DLGAP1: variants seen among roughly 807,000 people sequenced by gnomAD.
DLGAP1 encodes the protein disks large-associated protein 1.
DLGAP1 carries 11 observed loss-of-function variants against 90.8 expected under a neutral mutation model. That is an observed-to-expected ratio of 0.12 (90% CI 0.08 to 0.20). DLGAP1 has a LOEUF of 0.20. Among genes scored for constraint, DLGAP1 ranks in the 10% least tolerant of loss-of-function variants. The pLI, the probability that DLGAP1 is intolerant of heterozygous loss-of-function variation, is 1.00. For missense variants in DLGAP1, 1,050 were observed against 1,333.8 expected (o/e 0.79, Z 3.31); for synonymous variants, 558 against 540.7 (o/e 1.03, Z -0.44).
At chr18:3,628,577 C>T (rs560178075) in intron 7 of DLGAP1, among the ~76,000 whole-genome samples, 1 of 152,140 alleles carries the variant, frequency 6.6e-6, no homozygotes, top group Non-Finnish European at 1.5e-5. Flanking sequence ...GTTCACATTC[C>T]CCGTGCATCT....
intron 3 of DLGAP1, among the ~76,000 whole-genome samples, chr18:3,967,503 A>T (rs1018565280): frequency 6.6e-6 from 1 of 152,234 alleles, no homozygotes; most frequent in South Asian, 2.1e-4. Flanking sequence ...TCTGGGGTTG[A>T]GGCCCAGGAA....
intron 1 of DLGAP1, among the ~76,000 whole-genome samples, chr18:4,285,559 T>C (rs2079666873): frequency 1.3e-5 from 2 of 152,194 alleles, no homozygotes; most frequent in South Asian, 2.1e-4. Flanking sequence ...AGAAGTTTAA[T>C]TGAGCAATGA....
At chr18:3,875,933 A>G (rs910813676) in intron 4 of DLGAP1, among the ~76,000 whole-genome samples, 3 of 152,022 alleles carry the variant, frequency 2.0e-5, no homozygotes, top group African/African-American at 7.3e-5. Context: ...AACTAGAAGA[A>G]TAGTGCTTTG....
At chr18:4,366,212 C>A (rs982321123) in intron 1 of DLGAP1, among the ~76,000 whole-genome samples, 11 of 151,946 alleles carry the variant, frequency 7.2e-5, no homozygotes, top group Non-Finnish European at 2.9e-5. Flanking sequence ...TCATCTGGGT[C>A]CTAAATACTG....
chr18:3,650,044 G>T (rs1639363), intron 7 of DLGAP1, among the ~76,000 whole-genome samples: 3 of 151,730 alleles, frequency 2.0e-5, no homozygotes, highest in Admixed American at 6.6e-5. Flanking sequence ...ACTGTTTTTT[G>T]TTTTTTTATT....
At chr18:4,341,346 C>T (rs1056500604) in intron 1 of DLGAP1, among the ~76,000 whole-genome samples, 1 of 152,010 alleles carries the variant, frequency 6.6e-6, no homozygotes, top group Admixed American at 6.6e-5. Flanking sequence ...GTCTCTGAAG[C>T]CTTCCTAACA....
At chr18:3,527,970 T>C (rs1397643584) in intron 10 of DLGAP1, among the ~76,000 whole-genome samples, 1 of 152,182 alleles carries the variant, frequency 6.6e-6, no homozygotes, top group Non-Finnish European at 1.5e-5. Flanking sequence ...TTCGGAGGCA[T>C]TATGTACATT....
chr18:3,801,780 C>T (rs538154626), intron 5 of DLGAP1, among the ~76,000 whole-genome samples: 4 of 151,996 alleles, frequency 2.6e-5, no homozygotes, highest in African/African-American at 9.6e-5. Context: ...GAGAAAAGCA[C>T]AAGAAATGCA....
chr18:4,352,244 T>C (rs898527733), intron 1 of DLGAP1, among the ~76,000 whole-genome samples: 2 of 152,202 alleles, frequency 1.3e-5, no homozygotes, highest in Non-Finnish European at 2.9e-5. Context: ...GTCTGCAGTA[T>C]GATAGGTCAA....
At chr18:3,602,526 C>T (rs1295545208) in intron 7 of DLGAP1, among the ~76,000 whole-genome samples, 9 of 132,390 alleles carry the variant, frequency 6.8e-5, no homozygotes, top group Non-Finnish European at 1.2e-4. Context: ...ACCCGGGAGG[C>T]GGAGCTTGCA....
chr18:3,508,809 A>G, intron 10 of DLGAP1, 148 bp from the exon 11 acceptor site: 2 of 586,038 alleles, frequency 3.4e-6, no homozygotes, highest in Non-Finnish European at 5.9e-6. Flanking sequence ...AGACAGCCCA[A>G]TCACTGTTGT....
intron 1 of DLGAP1, among the ~76,000 whole-genome samples, chr18:4,351,491 C>A (rs921025815): frequency 2.0e-5 from 3 of 152,128 alleles, no homozygotes; most frequent in African/African-American, 7.2e-5. Context: ...GACTCGAAAT[C>A]TAGCTAAGGG....
At chr18:3,591,174 A>T (rs1368468845) in intron 7 of DLGAP1, among the ~76,000 whole-genome samples, 1 of 152,084 alleles carries the variant, frequency 6.6e-6, no homozygotes, top group African/African-American at 2.4e-5. Context: ...AGGTAGTACA[A>T]GTGAGATTAA....
At chr18:3,617,685 G>C (rs1296954062) in intron 7 of DLGAP1, among the ~76,000 whole-genome samples, 5 of 151,622 alleles carry the variant, frequency 3.3e-5, no homozygotes, top group African/African-American at 1.2e-4. Context: ...CTTGCTCCAT[G>C]CATGGTTGCC....
chr18:3,920,258 G>A (rs1431855096), intron 3 of DLGAP1, among the ~76,000 whole-genome samples: 1 of 149,154 alleles, frequency 6.7e-6, no homozygotes, highest in Admixed American at 6.9e-5. Flanking sequence ...CACGAGAATC[G>A]CTTGAACCTG....
At chr18:3,853,102 T>C (rs2069435276) in intron 4 of DLGAP1, among the ~76,000 whole-genome samples, 1 of 152,130 alleles carries the variant, frequency 6.6e-6, no homozygotes, top group African/African-American at 2.4e-5. Context: ...TAAAAATTAA[T>C]AGGGTCTGGT....
At chr18:3,828,094 AATATTT>A (rs2067819853) in intron 4 of DLGAP1, among the ~76,000 whole-genome samples, 1 of 152,172 alleles carries the variant, frequency 6.6e-6, no homozygotes, top group Non-Finnish European at 1.5e-5. Flanking sequence ...CGTGTAGAAG[AATATTT>A]CTTAAAACCT....
chr18:3,532,629 G>C (rs1416164747), intron 10 of DLGAP1, among the ~76,000 whole-genome samples: 5 of 149,928 alleles, frequency 3.3e-5, no homozygotes, highest in African/African-American at 1.2e-4. Context: ...AATTGAAAAA[G>C]TAATTTAAAA....
At chr18:3,651,325 C>G (rs1319412368) in intron 7 of DLGAP1, among the ~76,000 whole-genome samples, 3 of 152,192 alleles carry the variant, frequency 2.0e-5, no homozygotes, top group Admixed American at 6.5e-5. Context: ...TGCCGCTGCA[C>G]TCTAGCCTGG....
Sources: allele counts gnomAD v4.1 joint callset (sites outside exome capture counted in the v4.1 genomes callset), GRCh38; gene constraint gnomAD v4.1.1; transcripts MANE v1.5; gene names NCBI Gene and HGNC (gene_info 2026-07-23, HGNC 2026-07-21).